Variants in ERP44 observed in about 807,000 individuals in gnomAD.
ERP44 encodes the protein endoplasmic reticulum resident protein 44.
A neutral mutation model predicts 53.4 loss-of-function variants in ERP44; 25 were observed. The observed-to-expected ratio is 0.47, with a 90% confidence interval of 0.34 to 0.65. ERP44 has a LOEUF of 0.65. ERP44 is among the 30% of genes least tolerant of loss of function. ERP44 has a pLI of 0.01. For synonymous variants in ERP44, 145 were observed against 161.2 expected, an observed-to-expected ratio of 0.90 and a Z score of 0.76; for missense variants, 338 against 493.2, an observed-to-expected ratio of 0.69 and a Z score of 2.98.
intron 1 of ERP44, among the ~76,000 whole-genome samples, chr9:100,093,664 C>G (rs1237661722): frequency 6.6e-6 from 1 of 151,922 alleles, no homozygotes; most frequent in Non-Finnish European, 1.5e-5. Context: ...AAAAAAAGAA[C>G]TGTGTGTGTC....
chr9:100,014,301 G>A (rs913786322), intron 8 of ERP44, among the ~76,000 whole-genome samples: 25 of 151,916 alleles, frequency 1.6e-4, no homozygotes, highest in African/African-American at 5.8e-4. Context: ...TTTCTTTTTT[G>A]GAGGGACGGG....
rs186430653 is a variant in ERP44 at position 100,039,605 on chromosome 9, T to A, written c.286+12812A>T. 2.3e-3 allele frequency among the ~76,000 whole-genome samples: 355 copies of A among 151,854 alleles called. 3 individuals are homozygous for A. Among genetic ancestry groups the A allele is most frequent in the Admixed American group, 2.5e-3 (38 of 15,262 alleles). ...TTCCAATAAATAACCTAATGATACC[T>A]CTTAAAGAATTAGAAAAGCAAGATC... On this transcript the variant is annotated intron_variant, in intron 4 of 11. Transcript: ENST00000262455.
chr9:100,039,011 G>A (rs966339737), intron 4 of ERP44, among the ~76,000 whole-genome samples: 9 of 151,966 alleles, frequency 5.9e-5, no homozygotes, highest in East Asian at 1.9e-4. Flanking sequence ...AAATATATAC[G>A]CACCCAACAC....
rs1183071152 is a variant in ERP44, at chr9:99,981,204, T to C, written c.*1408A>G. The C allele has an allele frequency of 6.6e-6, 1 of 152,210 alleles. No homozygotes were observed. The highest frequency in any genetic ancestry group is 1.5e-5 in the Non-Finnish European group (1 of 68,026). 9.4% of individuals were successfully genotyped at this position (152,210 alleles called of 1,614,324 possible). ...TGATACAATACATTAAATATACCCC[T>C]TATCACCTTATTAACATTTATTATT... On this transcript the variant is annotated 3_prime_UTR_variant, in exon 12 of 12. Coordinates refer to ENST00000262455, the MANE Select transcript of ERP44 (RefSeq NM_015051.3).
At chr9:99,991,630 CA>C (rs1345535982) in intron 10 of ERP44, among the ~76,000 whole-genome samples, 6 of 152,058 alleles carry the variant, frequency 3.9e-5, no homozygotes, top group Non-Finnish European at 7.4e-5. Flanking sequence ...CAAACTAATT[CA>C]AAAGCTAGCA....
chr9:99,979,811 A>AAGTC lies in ERP44; in HGVS notation c.*2797_*2800dup. 1 of 316,240 alleles carries AAGTC rather than the reference A, an allele frequency of 3.2e-6. No homozygotes were observed. The highest frequency in any genetic ancestry group is 5.6e-6 in the Non-Finnish European group (1 of 178,708). The allele number at this position is 316,240 out of a possible 1,614,324, so 19.6% of individuals were successfully genotyped here. A position where few individuals can be genotyped will look rare whatever the true frequency, so the allele number is the denominator to read the frequency against. On this transcript the variant is annotated 3_prime_UTR_variant, in exon 12 of 12. Transcript: ENST00000262455. ...CTGATTCACGGTTCAGAGGGGGAAC[A>AAGTC]AGTCTAAATTTGAGACGTGCTTCCA...
At chr9:100,077,745 T>C (rs1012115498) in intron 1 of ERP44, among the ~76,000 whole-genome samples, 2 of 152,228 alleles carry the variant, frequency 1.3e-5, no homozygotes, top group African/African-American at 4.8e-5. Flanking sequence ...AGGTACAGTG[T>C]TGGCTGGGGT....
chr9:99,984,937 T>C, intron 11 of ERP44, 30 bp downstream of exon 11: 1 of 1,393,080 alleles, frequency 7.2e-7, no homozygotes, highest in Non-Finnish European at 1.0e-6. Flanking sequence ...AAAAAAAGAG[T>C]TCTCATTGAA....
In ERP44 at chr9:100,006,645, T is replaced by C. The variant is rs2118632449; in HGVS notation, c.877A>G (p.Thr293Ala). The change falls in exon 10 of 12, where the codon ACA (threonine) becomes GCA (alanine). Residue 293 changes from threonine to alanine, a missense_variant and splice_region_variant. By Grantham distance (58) the Thr-to-Ala change is moderately conservative. This residue lies in a region of ERP44 where 113 missense variants were observed against 172.6 expected (regional missense o/e 0.65). Coordinates refer to ENST00000262455, the MANE Select transcript of ERP44 (RefSeq NM_015051.3). ...VARQLISEKG[T>A]INFLHADCDK... ...CAATCGGCATGTAAAAAGTTTATTG[T>C]ACCTTTAAGAAAAAAGAATTTTGAG... 1 of 1,570,426 alleles carries C rather than the reference T, an allele frequency of 6.4e-7. No homozygotes were observed. The highest frequency in any genetic ancestry group is 8.6e-7 in the Non-Finnish European group (1 of 1,163,780).
intron 4 of ERP44, among the ~76,000 whole-genome samples, chr9:100,032,490 C>T (rs547614309): frequency 6.6e-6 from 1 of 152,272 alleles, no homozygotes; most frequent in South Asian, 2.1e-4. Flanking sequence ...GAAAATCATA[C>T]AAGAAGCATT....
At chr9:99,993,099 T>G (rs985435291) in intron 10 of ERP44, among the ~76,000 whole-genome samples, 1 of 152,196 alleles carries the variant, frequency 6.6e-6, no homozygotes, top group Admixed American at 6.5e-5. Context: ...CAAGGTAATT[T>G]ATAGATTCAA....
intron 7 of ERP44, among the ~76,000 whole-genome samples, chr9:100,017,380 C>G (rs961816348): frequency 1.3e-5 from 2 of 152,140 alleles, no homozygotes; most frequent in African/African-American, 2.4e-5. Flanking sequence ...GACATTCAAA[C>G]CCAGTCTGAT....
At chr9:99,992,074 C>A (rs1319429760) in intron 10 of ERP44, among the ~76,000 whole-genome samples, 1 of 152,186 alleles carries the variant, frequency 6.6e-6, no homozygotes, top group Non-Finnish European at 1.5e-5. Context: ...TCACAGCCGA[C>A]TTCTACCAGA....
At chr9:100,088,908 A>C (rs1826517760) in intron 1 of ERP44, among the ~76,000 whole-genome samples, 1 of 152,228 alleles carries the variant, frequency 6.6e-6, no homozygotes, top group South Asian at 2.1e-4. Flanking sequence ...CTAAAACCAG[A>C]GTACAGGTAC....
intron 10 of ERP44, among the ~76,000 whole-genome samples, chr9:99,986,539 A>AT (rs1017627796): frequency 1.3e-5 from 2 of 152,152 alleles, no homozygotes; most frequent in Admixed American, 6.6e-5. Context: ...TAAAATCATT[A>AT]TTTTTTTGGT....
At chr9:99,999,176 C>G in intron 10 of ERP44, 1 of 514,048 alleles carries the variant, frequency 1.9e-6, no homozygotes, top group Non-Finnish European at 3.5e-6. Flanking sequence ...GACCCTGTCC[C>G]CCGCCCCTCC....
At chr9:100,003,905 C>A (rs190722600) in intron 10 of ERP44, among the ~76,000 whole-genome samples, 23 of 152,180 alleles carry the variant, frequency 1.5e-4, no homozygotes, top group African/African-American at 5.3e-4. Flanking sequence ...AGAACCAGGG[C>A]CTACTAGGGT....
At chr9:100,083,118 C>A (rs1826445104) in intron 1 of ERP44, among the ~76,000 whole-genome samples, 1 of 151,386 alleles carries the variant, frequency 6.6e-6, no homozygotes, top group South Asian at 2.1e-4. Flanking sequence ...AAAAGAATTT[C>A]CCTAAATTAT....
intron 4 of ERP44, among the ~76,000 whole-genome samples, chr9:100,030,210 C>T (rs1039458124): frequency 6.6e-6 from 1 of 152,216 alleles, no homozygotes; most frequent in African/African-American, 2.4e-5. Context: ...TTTCACTTTA[C>T]TCTATGGATT....
Sources: gnomAD v4.1 joint callset for allele counts (sites outside exome capture counted in the v4.1 genomes callset) on GRCh38, gnomAD v4.1.1 for gene constraint, gnomAD v4.1.1 regional missense constraint, MANE v1.5 for transcripts, NCBI Gene and HGNC (gene_info 2026-07-23, HGNC 2026-07-21) for gene names.